TMC1: variants seen among roughly 807,000 people sequenced by gnomAD.
TMC1 encodes transmembrane channel-like protein 1.
In TMC1, 84 loss-of-function variants were observed where a neutral mutation model predicts 105.8. The observed-to-expected ratio is 0.79, with a 90% CI of 0.67 to 0.95. The LOEUF is 0.95. TMC1 is among the 40% of genes least tolerant of loss of function. TMC1 has a pLI of 0.00. For synonymous variants in TMC1, 315 were observed against 311.5 expected (o/e 1.01, Z -0.12); for missense variants, 817 against 914.1 (o/e 0.89, Z 1.37).
intron 1 of TMC1, among the ~76,000 whole-genome samples, chr9:72,556,856 G>T (rs1041539974): frequency 7.3e-5 from 11 of 151,508 alleles, no homozygotes; most frequent in African/African-American, 2.7e-4. Flanking sequence ...CAAAAAAATT[G>T]GTTCTTGAGC....
Position 72,725,347 on chromosome 9 carries a change from ATATATATATATATATATATATG to A in TMC1, c.363-14765_363-14744del, listed in dbSNP as rs1240772272. 4.6e-3 allele frequency among the ~76,000 whole-genome samples: 444 copies of A among 97,078 alleles called. 7 individuals are homozygous for A. The highest frequency in any genetic ancestry group is 9.4e-3 in the African/African-American group (235 of 24,952). 63.7% of individuals were successfully genotyped at this position (97,078 alleles called of 152,430 possible). A position where few individuals can be genotyped will look rare whatever the true frequency, so the allele number is the denominator to read the frequency against. On this transcript the variant is annotated intron_variant, in intron 8 of 23. Transcript: ENST00000297784. ...TATGTATATATATATATATATATAT[ATATATATATATATATATATATG>A]TATATACACACACACATGCGTACAT... is the stretch of plus-strand genomic sequence containing the variant.
intron 8 of TMC1, among the ~76,000 whole-genome samples, chr9:72,712,144 C>A (rs1399118047): frequency 1.3e-5 from 2 of 152,126 alleles, no homozygotes; most frequent in African/African-American, 4.8e-5. Context: ...GTTTTGGTAC[C>A]AGTACCATGC....
At chr9:72,603,422 C>T (rs963485418) in intron 2 of TMC1, among the ~76,000 whole-genome samples, 2 of 148,244 alleles carry the variant, frequency 1.3e-5, no homozygotes, top group East Asian at 3.9e-4. Flanking sequence ...CACACACACA[C>T]CACACTCCAC....
At chr9:72,570,212 G>T (rs929635821) in intron 1 of TMC1, among the ~76,000 whole-genome samples, 8 of 149,646 alleles carry the variant, frequency 5.3e-5, no homozygotes, top group African/African-American at 2.0e-4. Flanking sequence ...CTTTGAAAGG[G>T]GGTGGGGCTC....
intron 8 of TMC1, among the ~76,000 whole-genome samples, chr9:72,736,473 G>T (rs1164271897): frequency 1.3e-5 from 2 of 152,066 alleles, no homozygotes; most frequent in African/African-American, 2.4e-5. Flanking sequence ...ATCCTTTTTA[G>T]AACAAAGTTG....
At chr9:72,680,274 A>G (rs1826265116) in intron 5 of TMC1, among the ~76,000 whole-genome samples, 1 of 152,136 alleles carries the variant, frequency 6.6e-6, no homozygotes, top group Non-Finnish European at 1.5e-5. Context: ...TATTTTAATT[A>G]TATTACATGC....
chr9:72,599,711 G>C (rs1824775748), intron 2 of TMC1, among the ~76,000 whole-genome samples: 1 of 151,768 alleles, frequency 6.6e-6, no homozygotes. Flanking sequence ...TCGGGAGGCT[G>C]AGGCAGGAAA....
chr9:72,682,682 T>C (rs1259808492), intron 5 of TMC1, among the ~76,000 whole-genome samples: 1 of 152,246 alleles, frequency 6.6e-6, no homozygotes, highest in Non-Finnish European at 1.5e-5. Flanking sequence ...CAGTAGCTTC[T>C]GTTGTCTACT....
intron 20 of TMC1, 41 bp downstream of exon 20, chr9:72,821,122 T>C (rs1427366039): frequency 6.2e-7 from 1 of 1,613,944 alleles, no homozygotes; most frequent in Non-Finnish European, 8.5e-7. Flanking sequence ...TCGTGTTCTT[T>C]CGGGGGTGGA....
At chr9:72,561,317 CA>C (rs375862130) in intron 1 of TMC1, among the ~76,000 whole-genome samples, 20,751 of 75,630 alleles carry the variant, frequency 0.27, 895 homozygotes, top group East Asian at 0.46. Context: ...GACTCCGTCT[CA>C]AAAAAAAAAA....
intron 21 of TMC1, 38 bp from the exon 22 acceptor site, chr9:72,830,413 A>C: frequency 7.0e-7 from 1 of 1,432,000 alleles, no homozygotes; most frequent in South Asian, 1.2e-5. Flanking sequence ...GGGAACTGAA[A>C]TATACCTTAC....
chr9:72,684,330 A>G (rs1826340356), intron 5 of TMC1, among the ~76,000 whole-genome samples: 1 of 152,164 alleles, frequency 6.6e-6, no homozygotes, highest in African/African-American at 2.4e-5. Flanking sequence ...GATCATCAAT[A>G]TCTCTACATT....
At chr9:72,524,337 T>C (rs1383846917) in intron 1 of TMC1, among the ~76,000 whole-genome samples, 2 of 152,248 alleles carry the variant, frequency 1.3e-5, no homozygotes. Context: ...CTGAGCTCTT[T>C]TGACTTCCTT....
chr9:72,530,273 T>C (rs1389855745), intron 1 of TMC1, among the ~76,000 whole-genome samples: 4 of 152,054 alleles, frequency 2.6e-5, no homozygotes, highest in Non-Finnish European at 4.4e-5. Context: ...GTCTCCCTGG[T>C]TCAAGTAATT....
chr9:72,782,493 G>A (rs543657971), intron 13 of TMC1, among the ~76,000 whole-genome samples: 22 of 152,172 alleles, frequency 1.4e-4, no homozygotes, highest in South Asian at 2.1e-4. Flanking sequence ...TAAAAGGCAC[G>A]CAAATAGGAA....
At chr9:72,681,251 A>G (rs1205772799) in intron 5 of TMC1, among the ~76,000 whole-genome samples, 3 of 152,152 alleles carry the variant, frequency 2.0e-5, no homozygotes. Context: ...ATATTATGAC[A>G]GCATGGTTAA....
chr9:72,700,778 A>C, intron 8 of TMC1, 135 bp downstream of exon 8: 1 of 332,392 alleles, frequency 3.0e-6, no homozygotes, highest in Non-Finnish European at 5.5e-6. Flanking sequence ...ACACACACAC[A>C]CATACACTGT....
chr9:72,589,409 T>G (rs1006364135), intron 2 of TMC1, among the ~76,000 whole-genome samples: 32 of 152,244 alleles, frequency 2.1e-4, no homozygotes, highest in African/African-American at 7.5e-4. Context: ...TGCCAACAAA[T>G]GAAATTATTG....
intron 1 of TMC1, among the ~76,000 whole-genome samples, chr9:72,524,777 G>C (rs1408603982): frequency 6.6e-6 from 1 of 152,178 alleles, no homozygotes; most frequent in East Asian, 1.9e-4. Context: ...AGTGAGAAGA[G>C]AGAGAAATCT....
Sources: allele counts gnomAD v4.1 joint callset (sites outside exome capture counted in the v4.1 genomes callset), GRCh38; gene constraint gnomAD v4.1.1; transcripts MANE v1.5; gene names NCBI Gene and HGNC (gene_info 2026-07-23, HGNC 2026-07-21).